The following EIF5A2 variants were observed in gnomAD, a reference collection of about 807,000 sequenced individuals.
EIF5A2 encodes eukaryotic translation initiation factor 5A2, also known as eukaryotic translation initiation factor 5A-2.
EIF5A2 carries 15 observed loss-of-function variants against 16.4 expected under a neutral mutation model. That is an observed-to-expected ratio of 0.92 (90% CI 0.61 to 1.41). EIF5A2 has a LOEUF of 1.41. EIF5A2 is among the 40% of genes most tolerant of loss of function. The pLI is 0.00. For synonymous variants in EIF5A2, 48 were observed against 61.1 expected, an observed-to-expected ratio of 0.79 and a Z score of 1.00; for missense variants, 144 against 189.5, an observed-to-expected ratio of 0.76 and a Z score of 1.41.
Position 170,906,988 on chromosome 3 carries a change from C to G in EIF5A2, c.270+1G>C, listed in dbSNP as rs1487198600. ...ACATTCTAAAGAAAATCAGTGCTTA[C>G]TTGATAATCATTTCTCTTAATATTT... On this transcript the variant is annotated splice_donor_variant, in intron 3 of 4. Transcript: ENST00000295822. LOFTEE classifies it high-confidence loss of function. 1.9e-6 allele frequency: 3 copies of G among 1,579,738 alleles called. No homozygotes were observed. The highest frequency in any genetic ancestry group is 2.6e-6 in the Non-Finnish European group (3 of 1,153,322).
At chr3:170,904,861 GTTA>G (rs1712896877) in intron 3 of EIF5A2, among the ~76,000 whole-genome samples, 1 of 152,180 alleles carries the variant, frequency 6.6e-6, no homozygotes, top group Admixed American at 6.5e-5. Context: ...CCCATGAGGC[GTTA>G]TTATTTATGT....
intron 3 of EIF5A2, among the ~76,000 whole-genome samples, chr3:170,904,816 CGTT>C (rs1712896006): frequency 6.6e-6 from 1 of 152,152 alleles, no homozygotes; most frequent in African/African-American, 2.4e-5. Flanking sequence ...CTATGCCAGG[CGTT>C]GTTGTATTAA....
At chr3:170,905,150 C>T (rs992412083) in intron 3 of EIF5A2, among the ~76,000 whole-genome samples, 2 of 152,180 alleles carry the variant, frequency 1.3e-5, no homozygotes, top group African/African-American at 4.8e-5. Context: ...AGAATTAATG[C>T]AAAAATCCTA....
Position 170,906,969 on chromosome 3 carries a change from T to A in EIF5A2, c.270+20A>T. On this transcript the variant is annotated intron_variant, in intron 3 of 4. Transcript: ENST00000295822. ...CACCTTGAAGAAACAAGCAACATTCTAAAGAAAATCAGTGCTTACTTGATA... is the reference window on the plus strand; with the variant it reads ...CACCTTGAAGAAACAAGCAACATTCAAAAGAAAATCAGTGCTTACTTGATA... 1 of 1,513,102 alleles carries A rather than the reference T, an allele frequency of 6.6e-7. No individual in the cohort carries two copies. The highest frequency in any genetic ancestry group is 1.2e-5 in the South Asian group (1 of 83,752). The allele number at this position is 1,513,102 out of a possible 1,614,324, so 93.7% of individuals were successfully genotyped here.
At chr3:170,894,095 G>A (rs578081052) in intron 4 of EIF5A2, among the ~76,000 whole-genome samples, 197 bp downstream of exon 4, 3 of 151,792 alleles carry the variant, frequency 2.0e-5, no homozygotes, top group East Asian at 3.9e-4. Context: ...TAATGCTGAT[G>A]TAGCAAAAAT....
chr3:170,894,531 A>C, intron 3 of EIF5A2, 108 bp from the exon 4 acceptor site: 1 of 785,402 alleles, frequency 1.3e-6, no homozygotes, highest in Non-Finnish European at 1.9e-6. Flanking sequence ...GTATACAGTA[A>C]TATATTAATA....
At chr3:170,893,528 T>A in intron 4 of EIF5A2, 109 bp from the exon 5 acceptor site, 1 of 1,135,702 alleles carries the variant, frequency 8.8e-7, no homozygotes, top group South Asian at 1.7e-5. Context: ...CATATGGACT[T>A]CTGAAAGGGG....
rs371325754 is a variant in EIF5A2, at chr3:170,908,304, C to T, written c.-36+239G>A. Among the ~76,000 whole-genome samples, 12 of 152,332 alleles carry T rather than the reference C, an allele frequency of 7.9e-5. No homozygotes were observed. In the East Asian group the frequency reaches 1.7e-3, roughly 22 times the overall value. On this transcript the variant is annotated intron_variant, in intron 1 of 4. Transcript: ENST00000295822. ...GCGCACCCCGCCCTCCACCCTTCAA[C>T]GTCGCCGCCGCGGCCGCACAGGCGC...
intron 3 of EIF5A2, among the ~76,000 whole-genome samples, chr3:170,900,275 G>A (rs149412922): frequency 7.3e-4 from 109 of 149,640 alleles, no homozygotes; most frequent in African/African-American, 2.5e-3. Context: ...GCTGAGGCAG[G>A]AGCATCACTT....
Position 170,889,386 on chromosome 3 carries a change from G to A in EIF5A2, c.*3974C>T, listed in dbSNP as rs149587847. ...TTCCCTGCTAAAATCAAATAATGATGCCATATACCCAATTCAGAGAAAAAA... is the reference window on the plus strand; with the variant it reads ...TTCCCTGCTAAAATCAAATAATGATACCATATACCCAATTCAGAGAAAAAA... On this transcript the variant is annotated 3_prime_UTR_variant, in exon 5 of 5. Coordinates refer to ENST00000295822, the MANE Select transcript of EIF5A2 (RefSeq NM_020390.6). 3 of 152,398 alleles carry A rather than the reference G, an allele frequency of 2.0e-5. No individual in the cohort carries two copies. Among genetic ancestry groups the A allele is most frequent in the Admixed American group, 2.0e-4 (3 of 15,272 alleles). The allele number at this position is 152,398 out of a possible 1,614,324, so 9.4% of individuals were successfully genotyped here.
chr3:170,902,398 CTT>C (rs36044967), intron 3 of EIF5A2, among the ~76,000 whole-genome samples: 9,956 of 90,254 alleles, frequency 0.11, 135 homozygotes, highest in Middle Eastern at 0.19. Flanking sequence ...GCCATTCAGC[CTT>C]TTTTTTTTTT....
intron 3 of EIF5A2, 89 bp downstream of exon 3, chr3:170,906,900 C>T: frequency 2.5e-6 from 2 of 787,578 alleles, no homozygotes; most frequent in East Asian, 2.9e-5. Context: ...TACAAAACTA[C>T]TCTTGGGTTT....
At chr3:170,896,850 TGAAACTTCCTA>T (rs1324700066) in intron 3 of EIF5A2, among the ~76,000 whole-genome samples, 2 of 152,170 alleles carry the variant, frequency 1.3e-5, no homozygotes, top group African/African-American at 4.8e-5. Context: ...AGGGAGAATT[TGAAACTTCCTA>T]GAGACTTGTT....
At position 170,890,455 on chromosome 3, in the gene EIF5A2, T is replaced by C. The variant is rs1712503333; in HGVS notation, c.*2905A>G. On this transcript the variant is annotated 3_prime_UTR_variant, in exon 5 of 5. Transcript: ENST00000295822. ...ATTAAGGGAAACAGAGTCAAGAGCT[T>C]GGTTAGCAACAGTTTCTTCAAGTGA... The C allele has an allele frequency of 6.6e-6, 1 of 152,078 alleles. No individual in the cohort carries two copies. Among genetic ancestry groups the C allele is most frequent in the Admixed American group, 6.6e-5 (1 of 15,264 alleles). 9.4% of individuals were successfully genotyped at this position (152,078 alleles called of 1,614,324 possible).
intron 3 of EIF5A2, among the ~76,000 whole-genome samples, chr3:170,894,929 G>C (rs545655654): frequency 1.3e-4 from 19 of 151,210 alleles, no homozygotes; most frequent in Admixed American, 5.3e-4. Flanking sequence ...GGGAGGCTGA[G>C]GCAGGAGAAT....
At chr3:170,898,894 C>T (rs921061444) in intron 3 of EIF5A2, among the ~76,000 whole-genome samples, 2 of 151,464 alleles carry the variant, frequency 1.3e-5, no homozygotes, top group African/African-American at 4.8e-5. Context: ...GAGTAAGTTC[C>T]AAAGATCATG....
chr3:170,899,996 G>A (rs1251219938), intron 3 of EIF5A2, among the ~76,000 whole-genome samples: 4 of 151,618 alleles, frequency 2.6e-5, no homozygotes, highest in Non-Finnish European at 5.9e-5. Context: ...AGAGGTGAGG[G>A]TCAAAAAACT....
chr3:170,889,024 C>A lies in EIF5A2; in HGVS notation c.*4336G>T. 1 of 131,472 alleles carries A rather than the reference C, an allele frequency of 7.6e-6. No homozygotes were observed. The highest frequency in any genetic ancestry group is 7.8e-5 in the Admixed American group (1 of 12,866). 8.1% of individuals were successfully genotyped at this position (131,472 alleles called of 1,614,324 possible). A position where few individuals can be genotyped will look rare whatever the true frequency, so the allele number is the denominator to read the frequency against. ...CAATACCAAGAAACAGTTTTAGGGA[C>A]TTCATATAAATACAATAACCTGTCT... is the stretch of plus-strand genomic sequence containing the variant. On this transcript the variant is annotated 3_prime_UTR_variant, in exon 5 of 5. Coordinates refer to ENST00000295822, the MANE Select transcript of EIF5A2 (RefSeq NM_020390.6).
In EIF5A2 at chr3:170,891,832, T is replaced by G. The variant is rs529495681; in HGVS notation, c.*1528A>C. 1 of 152,514 alleles carries G rather than the reference T, an allele frequency of 6.6e-6. No individual in the cohort carries two copies. Among genetic ancestry groups the G allele is most frequent in the South Asian group, 2.1e-4 (1 of 4,828 alleles). The allele number at this position is 152,514 out of a possible 1,614,324, so 9.4% of individuals were successfully genotyped here. The stretch of plus-strand genomic sequence containing the variant: ...TATACATATGACTCAAAAGATGAAA[T>G]AGAAATGCAGTGGTGTCACCTAAAA... On this transcript the variant is annotated 3_prime_UTR_variant, in exon 5 of 5. Coordinates refer to ENST00000295822, the MANE Select transcript of EIF5A2 (RefSeq NM_020390.6).
Sources: gnomAD v4.1 joint callset for allele counts (sites outside exome capture counted in the v4.1 genomes callset) on GRCh38, gnomAD v4.1.1 for gene constraint, MANE v1.5 for transcripts, NCBI Gene and HGNC (gene_info 2026-07-23, HGNC 2026-07-21) for gene names.